The following DISC1 variants were observed in gnomAD, a reference collection of about 807,000 sequenced individuals.
DISC1 encodes the protein DISC1 scaffold protein, also known as disrupted in schizophrenia 1 protein.
In DISC1, 57 loss-of-function variants were observed where a neutral mutation model predicts 84.5. That is an observed-to-expected ratio of 0.67 (90% CI 0.55 to 0.84). DISC1 has a LOEUF of 0.84. DISC1 is among the 40% of genes least tolerant of loss of function. DISC1 has a pLI of 0.00. For missense variants in DISC1, 1,000 were observed against 1,057.8 expected (o/e 0.95, Z 0.76); for synonymous variants, 411 against 415.2 (o/e 0.99, Z 0.12).
At chr1:231,764,957 C>T (rs141440254) in intron 4 of DISC1, among the ~76,000 whole-genome samples, 426 of 151,980 alleles carry the variant, frequency 2.8e-3, no homozygotes, top group African/African-American at 9.6e-3. Context: ...TTTGGGAGGC[C>T]GAGGTGGGCG....
chr1:231,958,604 C>T (rs1408913506), intron 9 of DISC1, among the ~76,000 whole-genome samples: 1 of 152,236 alleles, frequency 6.6e-6, no homozygotes, highest in African/African-American at 2.4e-5. Context: ...GCTATTGCTC[C>T]AGCCTCTGAC....
chr1:231,659,769 C>CAT (rs1451281253), intron 1 of DISC1, among the ~76,000 whole-genome samples: 1 of 152,080 alleles, frequency 6.6e-6, no homozygotes, highest in African/African-American at 2.4e-5. Flanking sequence ...GTTCAGTTTC[C>CAT]ATGTAGTTGT....
chr1:231,966,976 A>G (rs945497910), intron 10 of DISC1, among the ~76,000 whole-genome samples: 2 of 152,262 alleles, frequency 1.3e-5, no homozygotes, highest in Non-Finnish European at 2.9e-5. Flanking sequence ...TCTTAGCTTT[A>G]GAAGGAACTG....
intron 1 of DISC1, among the ~76,000 whole-genome samples, chr1:231,670,482 T>G (rs1327520999): frequency 2.6e-5 from 4 of 152,206 alleles, no homozygotes; most frequent in African/African-American, 4.8e-5. Context: ...AGCCTTAAGG[T>G]GTTCCACCTC....
intron 1 of DISC1, among the ~76,000 whole-genome samples, chr1:231,632,107 C>T (rs2058760888): frequency 6.6e-6 from 1 of 152,268 alleles, no homozygotes; most frequent in Non-Finnish European, 1.5e-5. Context: ...TAACATGCTG[C>T]ACAGGTTTGT....
chr1:231,684,467 T>A (rs539895181), intron 1 of DISC1, among the ~76,000 whole-genome samples: 1 of 152,220 alleles, frequency 6.6e-6, no homozygotes, highest in Admixed American at 6.5e-5. Flanking sequence ...ACCCTTGAAT[T>A]ACTATATAAT....
At chr1:231,943,080 G>A (rs1298103401) in intron 9 of DISC1, among the ~76,000 whole-genome samples, 1 of 152,224 alleles carries the variant, frequency 6.6e-6, no homozygotes, top group Admixed American at 6.5e-5. Context: ...CCGTGATACA[G>A]CCCAAGGCCC....
intron 10 of DISC1, among the ~76,000 whole-genome samples, chr1:231,993,417 C>T (rs963538540): frequency 1.3e-5 from 2 of 151,224 alleles, no homozygotes; most frequent in Non-Finnish European, 2.9e-5. Flanking sequence ...GGCAGAAAGG[C>T]CCATCACTAA....
At chr1:231,859,803 AGTAAGGAAGCCTGGG>A (rs2084522149) in intron 9 of DISC1, among the ~76,000 whole-genome samples, 1 of 152,212 alleles carries the variant, frequency 6.6e-6, no homozygotes, top group African/African-American at 2.4e-5. Context: ...AGTGCCAGAG[AGTAAGGAAGCCTGGG>A]CTCTTCTGCC....
intron 9 of DISC1, among the ~76,000 whole-genome samples, chr1:231,851,763 T>G (rs1372288195): frequency 6.6e-6 from 1 of 152,190 alleles, no homozygotes; most frequent in East Asian, 1.9e-4. Context: ...TGAGTGGGAA[T>G]GCGGCACTCA....
chr1:231,743,885 A>G lies in DISC1; in HGVS notation c.1118-6041A>G, dbSNP rs1018024657. 3.9e-5 allele frequency among the ~76,000 whole-genome samples: 6 copies of G among 152,328 alleles called. No individual in the cohort carries two copies. In the East Asian group the frequency reaches 7.7e-4, roughly 20 times the overall value. On this transcript the variant is annotated intron_variant, in intron 3 of 12. Transcript: ENST00000439617. ...TGTCTTTCACTTAACAGCCTCAGAG[A>G]CACAAGTTTTCTGCCCTTTCCTCTA... is the stretch of plus-strand genomic sequence containing the variant.
chr1:232,041,256 A>G lies in DISC1; in HGVS notation c.*4425A>G, dbSNP rs1292634695. 6.6e-6 allele frequency: 1 copy of G among 152,220 alleles called. No homozygotes were observed. The highest frequency in any genetic ancestry group is 6.5e-5 in the Admixed American group (1 of 15,278). The allele number at this position is 152,220 out of a possible 1,614,324, so 9.4% of individuals were successfully genotyped here. A position where few individuals can be genotyped will look rare whatever the true frequency, so the allele number is the denominator to read the frequency against. ...TTACATCACACGAAACATTTATAATAAAGTCATGCTTTAGAATTGCACGTG... is the reference window on the plus strand; with the variant it reads ...TTACATCACACGAAACATTTATAATGAAGTCATGCTTTAGAATTGCACGTG... On this transcript the variant is annotated 3_prime_UTR_variant, in exon 13 of 13. Transcript: ENST00000439617.
At chr1:231,796,651 C>G (rs1409940507) in intron 7 of DISC1, among the ~76,000 whole-genome samples, 1 of 152,090 alleles carries the variant, frequency 6.6e-6, no homozygotes, top group Non-Finnish European at 1.5e-5. Flanking sequence ...AACTTGTGTA[C>G]AAAGAGAGCT....
intron 4 of DISC1, among the ~76,000 whole-genome samples, chr1:231,761,049 G>A (rs1187241969): frequency 6.6e-6 from 1 of 152,166 alleles, no homozygotes; most frequent in Non-Finnish European, 1.5e-5. Flanking sequence ...TTTTTTCTGT[G>A]ATGTAGGATC....
At chr1:231,819,042 G>A in intron 9 of DISC1, 1 of 988,490 alleles carries the variant, frequency 1.0e-6, no homozygotes, top group South Asian at 4.7e-5. Flanking sequence ...GAGTTCAAGT[G>A]TTCCTGTGTT....
intron 3 of DISC1, among the ~76,000 whole-genome samples, chr1:231,718,597 T>C (rs1049297585): frequency 1.4e-4 from 21 of 152,216 alleles, no homozygotes; most frequent in African/African-American, 5.1e-4. Flanking sequence ...CCACCACACC[T>C]GGCAAATTTT....
chr1:231,955,382 T>C (rs1213336574), intron 9 of DISC1, among the ~76,000 whole-genome samples: 1 of 152,200 alleles, frequency 6.6e-6, no homozygotes, highest in African/African-American at 2.4e-5. Context: ...GCCAAATTCT[T>C]GTCTCCCCAA....
chr1:231,857,174 A>G (rs2084329482), intron 9 of DISC1, among the ~76,000 whole-genome samples: 1 of 152,190 alleles, frequency 6.6e-6, no homozygotes, highest in Non-Finnish European at 1.5e-5. Flanking sequence ...AGAGCGGTCA[A>G]GGCACTCTGT....
At chr1:231,656,767 G>C (rs1283097237) in intron 1 of DISC1, among the ~76,000 whole-genome samples, 2 of 152,138 alleles carry the variant, frequency 1.3e-5, no homozygotes, top group Admixed American at 1.3e-4. Flanking sequence ...TATTCTTCCT[G>C]ATGCTCTCCC....
Sources: gnomAD v4.1 joint callset for allele counts (sites outside exome capture counted in the v4.1 genomes callset) on GRCh38, gnomAD v4.1.1 for gene constraint, MANE v1.5 for transcripts, NCBI Gene and HGNC (gene_info 2026-07-23, HGNC 2026-07-21) for gene names.